Variants in MAF observed in about 807,000 individuals in gnomAD.
The protein encoded by MAF is MAF bZIP transcription factor, also known as transcription factor Maf.
MAF carries 10 observed loss-of-function variants against 22.0 expected under a neutral mutation model. The ratio of observed to expected loss-of-function variants is 0.45; its 90% CI spans 0.28 to 0.77. MAF has a LOEUF of 0.77. MAF is among the 30% of genes least tolerant of loss of function. The pLI, the probability that MAF is intolerant of heterozygous loss-of-function variation, is 0.12. For synonymous variants in MAF, 337 were observed against 255.8 expected (o/e 1.32, Z -3.03); for missense variants, 544 against 548.4 (o/e 0.99, Z 0.08).
the MAF span, among the ~76,000 whole-genome samples, chr16:79,427,511 G>C: frequency 6.6e-6 from 1 of 152,164 alleles, no homozygotes; most frequent in Non-Finnish European, 1.5e-5. Context: ...TCAGTGACTT[G>C]GGACTGTGTT....
chr16:79,494,822 G>A, the MAF span, among the ~76,000 whole-genome samples: 2 of 152,110 alleles, frequency 1.3e-5, no homozygotes, highest in African/African-American at 4.8e-5. Context: ...TGGGCCTCTG[G>A]GACATCTGAC....
At chr16:79,473,472 C>T in the MAF span, among the ~76,000 whole-genome samples, 2,191 of 152,276 alleles carry the variant, frequency 0.014, 35 homozygotes, top group South Asian at 0.067. Flanking sequence ...GCGGATGTTG[C>T]CCTTTGCAAA....
chr16:79,257,560 G>A, the MAF span, among the ~76,000 whole-genome samples: 1 of 152,188 alleles, frequency 6.6e-6, no homozygotes, highest in Non-Finnish European at 1.5e-5. Context: ...GTGAGGGTCA[G>A]CTTGGCTGGG....
the MAF span, among the ~76,000 whole-genome samples, chr16:79,508,480 G>T: frequency 3.9e-5 from 6 of 152,232 alleles, no homozygotes; most frequent in South Asian, 1.0e-3. Flanking sequence ...AACTCCTGCT[G>T]TTGCCAGTCC....
chr16:79,317,648 A>G, the MAF span, among the ~76,000 whole-genome samples: 1 of 152,012 alleles, frequency 6.6e-6, no homozygotes, highest in Non-Finnish European at 1.5e-5. Flanking sequence ...AGCCAACACT[A>G]TCCTTGACCT....
At chr16:79,308,090 G>C in the MAF span, among the ~76,000 whole-genome samples, 1 of 152,196 alleles carries the variant, frequency 6.6e-6, no homozygotes, top group Non-Finnish European at 1.5e-5. Flanking sequence ...CTTGGGAAGG[G>C]TCAGACTGTG....
the MAF span, among the ~76,000 whole-genome samples, chr16:79,346,661 G>A: frequency 3.9e-5 from 6 of 152,102 alleles, no homozygotes; most frequent in Non-Finnish European, 7.4e-5. Context: ...GGATCTACAC[G>A]ATACCAGGGA....
At chr16:79,321,221 G>C in the MAF span, among the ~76,000 whole-genome samples, 1 of 152,210 alleles carries the variant, frequency 6.6e-6, no homozygotes, top group Non-Finnish European at 1.5e-5. Flanking sequence ...GCAGTCTTGG[G>C]AGGTGTCGGA....
At chr16:79,212,838 TTTTGTGCTTTGTG>T in the MAF span, 1 of 152,226 alleles carries the variant, frequency 6.6e-6, no homozygotes. Flanking sequence ...TGTGTTTTGT[TTTTGTGCTTTGTG>T]GCTGTCCGTG....
chr16:79,315,540 T>C, the MAF span, among the ~76,000 whole-genome samples: 683 of 152,302 alleles, frequency 4.5e-3, 1 homozygote, highest in Non-Finnish European at 6.5e-3. Flanking sequence ...ACGCTGTTAG[T>C]AAGTGTACCC....
the MAF span, among the ~76,000 whole-genome samples, chr16:79,249,019 C>T: frequency 6.6e-6 from 1 of 152,162 alleles, no homozygotes; most frequent in East Asian, 1.9e-4. Context: ...CCCCAAAATT[C>T]ATATGCTGAA....
the MAF span, chr16:79,212,980 A>AGTT: frequency 6.6e-6 from 1 of 152,124 alleles, no homozygotes; most frequent in South Asian, 2.1e-4. Context: ...ACTTACAGTG[A>AGTT]GTTATTTTAG....
chr16:79,453,587 A>T, the MAF span, among the ~76,000 whole-genome samples: 1 of 152,374 alleles, frequency 6.6e-6, no homozygotes, highest in East Asian at 1.9e-4. Flanking sequence ...AAACTGGGAA[A>T]GGTCGGCTTT....
the MAF span, among the ~76,000 whole-genome samples, chr16:79,258,938 C>G: frequency 6.6e-6 from 1 of 152,170 alleles, no homozygotes; most frequent in African/African-American, 2.4e-5. Context: ...CTCAGGCTGC[C>G]TCTGCCTCCA....
chr16:79,434,168 T>G, the MAF span, among the ~76,000 whole-genome samples: 2 of 152,198 alleles, frequency 1.3e-5, no homozygotes, highest in Non-Finnish European at 2.9e-5. Flanking sequence ...GAGGTGACTT[T>G]CTCAACATCA....
the MAF span, among the ~76,000 whole-genome samples, chr16:79,558,782 A>G: frequency 6.6e-6 from 1 of 152,142 alleles, no homozygotes; most frequent in Non-Finnish European, 1.5e-5. Context: ...ACAAAACAAA[A>G]CAATTTTCCC....
At chr16:79,422,605 C>G in the MAF span, among the ~76,000 whole-genome samples, 1 of 152,144 alleles carries the variant, frequency 6.6e-6, no homozygotes, top group African/African-American at 2.4e-5. Flanking sequence ...TGGGCCGTCC[C>G]TGGTATATAC....
the MAF span, among the ~76,000 whole-genome samples, chr16:79,465,956 T>C: frequency 1.3e-5 from 2 of 152,368 alleles, no homozygotes; most frequent in South Asian, 4.1e-4. Context: ...TTTGCAGATC[T>C]CTTGGGCTTG....
chr16:79,535,530 G>A, the MAF span, among the ~76,000 whole-genome samples: 1 of 149,480 alleles, frequency 6.7e-6, no homozygotes, highest in African/African-American at 2.5e-5. Context: ...TTTCCCACTT[G>A]TCTATAATAT....
Sources: allele counts gnomAD v4.1 joint callset (sites outside exome capture counted in the v4.1 genomes callset), GRCh38; gene constraint gnomAD v4.1.1; transcripts MANE v1.5; gene names NCBI Gene and HGNC (gene_info 2026-07-23, HGNC 2026-07-21).